Variants in CAPN3 observed in about 807,000 individuals in gnomAD.
CAPN3 encodes calpain 3.
CAPN3 carries 88 observed loss-of-function variants against 114.0 expected under a neutral mutation model. That is an observed-to-expected ratio of 0.77 (90% confidence interval 0.65 to 0.92). The LOEUF is 0.92. CAPN3 is among the 40% of genes least tolerant of loss of function. The probability of loss-of-function intolerance (pLI) is 0.00; values close to 1 mark genes in which losing one functional copy is unlikely to be tolerated. For synonymous variants in CAPN3, 386 were observed against 382.9 expected, an observed-to-expected ratio of 1.01 and a Z score of -0.09; for missense variants, 1,028 against 1,069.0, an observed-to-expected ratio of 0.96 and a Z score of 0.53.
Position 42,366,819 on chromosome 15 carries a change from C to CTT in CAPN3, c.309+6712_309+6713dup, listed in dbSNP as rs144584591. The stretch of plus-strand genomic sequence containing the variant: ...TCCACGACCCGACCCTCACAGAATT[C>CTT]TTTTTTTTCTTTTTTTTTTTCTTTT... On this transcript the variant is annotated intron_variant, in intron 1 of 23. Coordinates refer to ENST00000397163, the MANE Select transcript of CAPN3 (RefSeq NM_000070.3). 4.5e-3 allele frequency among the ~76,000 whole-genome samples: 595 copies of CTT among 132,774 alleles called. 5 individuals are homozygous for CTT. Among genetic ancestry groups the CTT allele is most frequent in the African/African-American group, 0.018 (574 of 31,382 alleles). 87.1% of individuals were successfully genotyped at this position (132,774 alleles called of 152,430 possible). A position where few individuals can be genotyped will look rare whatever the true frequency, so the allele number is the denominator to read the frequency against.
At chr15:42,389,825 C>A in intron 5 of CAPN3, 128 bp from the exon 6 acceptor site, 1 of 992,360 alleles carries the variant, frequency 1.0e-6, no homozygotes, top group Non-Finnish European at 1.6e-6. Context: ...TCCATTCGTG[C>A]TCTGTTGATC....
intron 8 of CAPN3, among the ~76,000 whole-genome samples, chr15:42,395,128 G>T (rs1053743656): frequency 6.6e-5 from 10 of 152,186 alleles, no homozygotes; most frequent in Non-Finnish European, 5.9e-5. Flanking sequence ...GGTTCGTTCA[G>T]TCATTCGTTT....
At chr15:42,411,611 T>G in intron 23 of CAPN3, 136 bp from the exon 24 acceptor site, 2 of 757,258 alleles carry the variant, frequency 2.6e-6, no homozygotes, top group Non-Finnish European at 4.8e-6. Flanking sequence ...AGTAAGCCAC[T>G]GCTTCTTGGA....
chr15:42,399,551 C>T lies in CAPN3; in HGVS notation c.1253C>T (p.Ala418Val). 1.9e-6 allele frequency: 3 copies of T among 1,613,672 alleles called. No homozygotes were observed. Among genetic ancestry groups the T allele is most frequent in the Non-Finnish European group, 2.5e-6 (3 of 1,179,588 alleles). Residue 418 changes from alanine to valine, a missense_variant, in exon 10 of 24, where the codon GCC becomes GTC. Coordinates refer to ENST00000397163, the MANE Select transcript of CAPN3 (RefSeq NM_000070.3). ...FTKLEICNLT[A>V]DALQSDKLQT... ...AAGTTGGAGATCTGCAACCTCACGGCCGATGCTCTGCAGTCTGACAAGCTT... is the reference window on the plus strand; with the variant it reads ...AAGTTGGAGATCTGCAACCTCACGGTCGATGCTCTGCAGTCTGACAAGCTT...
Position 42,359,905 on chromosome 15 carries a change from G to T in CAPN3, c.100G>T (p.Ala34Ser), listed in dbSNP as rs772534302. 1 of 1,614,226 alleles carries T rather than the reference G, an allele frequency of 6.2e-7. No individual in the cohort carries two copies. ...PHPAQSKATE[A>S]GGGNPSGIYS... ...CCCGGCCCAGAGCAAGGCCACTGAG[G>T]CTGGGGGTGGAAACCCAAGTGGCAT... Residue 34 changes from alanine (A) to serine (S), a missense_variant, in exon 1 of 24, where the codon GCT becomes TCT. Ala to Ser is a moderately conservative substitution (Grantham distance 99, BLOSUM62 1). Transcript: ENST00000397163.
chr15:42,402,800 G>A lies in CAPN3; in HGVS notation c.1543G>A (p.Gly515Arg), dbSNP rs150226817. ...AIYEVPKEMH[G>R]NKQHLQKDFF... ...GGCTCTCCCCATCTCTCAGATGCAC[G>A]GGAACAAGCAGCACCTGCAGAAGGA... The change falls in exon 13 of 24, where the codon GGG (glycine) becomes AGG (arginine). Residue 515 changes from glycine to arginine, a missense_variant. Gly to Arg is a moderately radical substitution (Grantham distance 125). Coordinates refer to ENST00000397163, the MANE Select transcript of CAPN3 (RefSeq NM_000070.3). The A allele has an allele frequency of 1.1e-4, 181 of 1,614,094 alleles. 2 individuals are homozygous for A. In the African/African-American group the frequency reaches 1.7e-3, roughly 15 times the overall value.
intron 1 of CAPN3, among the ~76,000 whole-genome samples, chr15:42,366,554 ATCT>A (rs1313714891): frequency 3.3e-5 from 5 of 152,218 alleles, no homozygotes; most frequent in Admixed American, 6.5e-5. Flanking sequence ...TGGCAGAAAC[ATCT>A]TCTCTCTTCT....
Position 42,359,907 on chromosome 15 carries a change from T to G in CAPN3, c.102T>G (p.Ala34=). 6.2e-7 allele frequency: 1 copy of G among 1,614,222 alleles called. No homozygotes were observed. The highest frequency in any genetic ancestry group is 8.5e-7 in the Non-Finnish European group (1 of 1,180,042). ...PHPAQSKATE[A]GGGNPSGIYS... is the part of the protein sequence containing the mutation. ...CGGCCCAGAGCAAGGCCACTGAGGC[T>G]GGGGGTGGAAACCCAAGTGGCATCT... The change falls in exon 1 of 24, where the codon GCT becomes GCG. Residue 34 remains alanine (A), a synonymous_variant. Coordinates refer to ENST00000397163, the MANE Select transcript of CAPN3 (RefSeq NM_000070.3).
intron 1 of CAPN3, among the ~76,000 whole-genome samples, chr15:42,381,105 T>G (rs1273131574): frequency 6.6e-6 from 1 of 152,172 alleles, no homozygotes; most frequent in Non-Finnish European, 1.5e-5. Flanking sequence ...CTTATCTGTA[T>G]GCTATAATTG....
At chr15:42,407,334 T>C (rs964284933) in intron 15 of CAPN3, among the ~76,000 whole-genome samples, 5 of 146,806 alleles carry the variant, frequency 3.4e-5, no homozygotes, top group African/African-American at 4.9e-5. Flanking sequence ...AGAGAGGATA[T>C]TTTTGGTTTT....
intron 23 of CAPN3, 58 bp from the exon 24 acceptor site, chr15:42,411,689 G>GT (rs2054247208): frequency 2.3e-5 from 1 of 42,828 alleles, no homozygotes; most frequent in South Asian, 4.9e-4. Context: ...TTCCTAGGGC[G>GT]GGGGGGGGGG....
At chr15:42,404,447 A>G (rs1335147608) in intron 14 of CAPN3, 1 of 456,496 alleles carries the variant, frequency 2.2e-6, no homozygotes, top group Non-Finnish European at 4.4e-6. Flanking sequence ...GGTGTTCAAG[A>G]AAGGAAGCAG....
At chr15:42,382,203 A>G (rs2053267143) in intron 1 of CAPN3, among the ~76,000 whole-genome samples, 1 of 151,924 alleles carries the variant, frequency 6.6e-6, no homozygotes, top group African/African-American at 2.4e-5. Flanking sequence ...CTAGATGTCC[A>G]AACAATGTTT....
chr15:42,407,592 G>A (rs763423130), intron 15 of CAPN3, among the ~76,000 whole-genome samples: 7 of 152,196 alleles, frequency 4.6e-5, no homozygotes, highest in Non-Finnish European at 7.3e-5. Context: ...GCCTCCTAAA[G>A]TGCTGGGATT....
chr15:42,373,208 A>G (rs2141130261), intron 1 of CAPN3, among the ~76,000 whole-genome samples: 1 of 152,274 alleles, frequency 6.6e-6, no homozygotes, highest in Middle Eastern at 3.4e-3. Context: ...TAAATAAATA[A>G]ATAAGTAAAG....
At chr15:42,411,630 T>C (rs2054240890) in intron 23 of CAPN3, 117 bp from the exon 24 acceptor site, 1 of 746,402 alleles carries the variant, frequency 1.3e-6, no homozygotes. Context: ...GAAAATCTTC[T>C]GGGGGTCTGA....
At position 42,410,836 on chromosome 15, in the gene CAPN3, C is replaced by G. The variant is rs372898408; in HGVS notation, c.2264-48C>G. On this transcript the variant is annotated intron_variant, in intron 21 of 23. Coordinates refer to ENST00000397163, the MANE Select transcript of CAPN3 (RefSeq NM_000070.3). ...GAGGCAGGGAAAATAGAAGGCAGGC[C>G]CAAGGCCTCCAGCTCCACGTCCACC... 9.3e-6 allele frequency: 14 copies of G among 1,510,998 alleles called. No homozygotes were observed. The African/African-American group carries it at 1.8e-4, about 19-fold the overall frequency. The allele number at this position is 1,510,998 out of a possible 1,614,324, so 93.6% of individuals were successfully genotyped here.
chr15:42,410,748 C>G (rs1370017380), intron 21 of CAPN3, 82 bp downstream of exon 21: 4 of 1,365,626 alleles, frequency 2.9e-6, no homozygotes, highest in Non-Finnish European at 4.2e-6. Context: ...TACTAGGGCC[C>G]CACTAGAGAA....
At chr15:42,406,944 A>G (rs183738671) in intron 15 of CAPN3, among the ~76,000 whole-genome samples, 10 of 152,234 alleles carry the variant, frequency 6.6e-5, no homozygotes, top group South Asian at 2.1e-4. Context: ...CCACGGGTCT[A>G]TCTGCTTGAG....
Sources: allele counts gnomAD v4.1 joint callset (sites outside exome capture counted in the v4.1 genomes callset), GRCh38; gene constraint gnomAD v4.1.1; transcripts MANE v1.5; gene names NCBI Gene and HGNC (gene_info 2026-07-23, HGNC 2026-07-21).